Variants in MID1 observed in about 807,000 individuals in gnomAD.
The protein encoded by MID1 is midline 1, also known as E3 ubiquitin-protein ligase Midline-1.
MID1 carries 7 observed loss-of-function variants against 40.4 expected under a neutral mutation model. That is an observed-to-expected ratio of 0.17 (90% CI 0.10 to 0.33). The LOEUF (loss-of-function observed/expected upper bound fraction) is 0.33, where lower values mean the gene tolerates loss of function less well. MID1 is among the 10% of genes least tolerant of loss of function. The pLI is 1.00. For missense variants in MID1, 367 were observed against 558.5 expected (o/e 0.66, Z 3.46); for synonymous variants, 229 against 221.2 (o/e 1.04, Z -0.31).
At chrX:10,568,990 G>A (rs1237409690) in intron 1 of MID1, among the ~76,000 whole-genome samples, 2 of 111,651 alleles carry the variant, frequency 1.8e-5, no homozygotes, top group Non-Finnish European at 3.8e-5. Flanking sequence ...CGGGGGTGGT[G>A]GGGAGAGCGT....
intron 1 of MID1, among the ~76,000 whole-genome samples, chrX:10,639,725 G>A (rs1263481981): frequency 3.6e-5 from 4 of 111,178 alleles, no homozygotes; most frequent in Non-Finnish European, 1.9e-5. Context: ...GATTCACCAT[G>A]GTCGAAATGA....
At chrX:10,763,340 G>A (rs1295355002) in intron 1 of MID1, among the ~76,000 whole-genome samples, 4 of 33,432 alleles carry the variant, frequency 1.2e-4, no homozygotes, top group Non-Finnish European at 1.5e-4. Context: ...AACAGGCCCC[G>A]GTGTGTGATG....
intron 1 of MID1, among the ~76,000 whole-genome samples, chrX:10,821,309 C>T (rs1383794515): frequency 2.7e-5 from 3 of 111,950 alleles, no homozygotes; most frequent in Non-Finnish European, 5.6e-5. Flanking sequence ...TGGAACACCT[C>T]ACAGCTTAGA....
intron 1 of MID1, among the ~76,000 whole-genome samples, chrX:10,669,432 C>T (rs1052869415): frequency 9.0e-6 from 1 of 110,904 alleles, no homozygotes; most frequent in Middle Eastern, 4.2e-3. Context: ...TCCCATGCCC[C>T]AAGGCACCTG....
intron 1 of MID1, among the ~76,000 whole-genome samples, chrX:10,719,704 G>A (rs1156893530): frequency 1.8e-5 from 2 of 111,109 alleles, no homozygotes; most frequent in Non-Finnish European, 3.8e-5. Context: ...TTACTTTAAA[G>A]TTCATATGGA....
At chrX:10,591,950 A>C (rs370451364) in intron 1 of MID1, among the ~76,000 whole-genome samples, 6 of 110,858 alleles carry the variant, frequency 5.4e-5, no homozygotes, top group Middle Eastern at 9.2e-3. Flanking sequence ...ACAAAACAAA[A>C]CACCAGACCT....
chrX:10,761,712 C>A (rs1271792620), intron 1 of MID1, among the ~76,000 whole-genome samples: 2 of 112,082 alleles, frequency 1.8e-5, no homozygotes, highest in Non-Finnish European at 3.8e-5. Flanking sequence ...CCATGCCAAG[C>A]CCAGGTTAGC....
At chrX:10,721,551 T>C (rs1157105623) in intron 1 of MID1, among the ~76,000 whole-genome samples, 1 of 110,683 alleles carries the variant, frequency 9.0e-6, no homozygotes, top group Non-Finnish European at 1.9e-5. Context: ...AACATTCAAC[T>C]ATCAATAAGT....
At chrX:10,525,668 C>T (rs753685899) in intron 2 of MID1, among the ~76,000 whole-genome samples, 5 of 112,310 alleles carry the variant, frequency 4.5e-5, no homozygotes, top group Admixed American at 9.4e-5. Context: ...CCAAAGAAGA[C>T]GCTCCCACAA....
chrX:10,625,989 T>C (rs1602480972), intron 1 of MID1, among the ~76,000 whole-genome samples: 1 of 111,294 alleles, frequency 9.0e-6, no homozygotes, highest in East Asian at 2.8e-4. Flanking sequence ...GTCCTGGAGT[T>C]AGGACTCTGG....
At chrX:10,463,389 A>T (rs1378394377) in intron 7 of MID1, among the ~76,000 whole-genome samples, 1 of 111,945 alleles carries the variant, frequency 8.9e-6, no homozygotes, top group African/African-American at 3.2e-5. Context: ...TAGTGATATA[A>T]GGAGCTACAG....
intron 1 of MID1, among the ~76,000 whole-genome samples, chrX:10,802,420 G>C (rs968701373): frequency 9.0e-5 from 10 of 110,783 alleles, no homozygotes; most frequent in African/African-American, 3.3e-4. Context: ...GCCAACAAAC[G>C]TGAAAAAAAT....
At chrX:10,781,063 A>C (rs2043842377) in intron 1 of MID1, among the ~76,000 whole-genome samples, 1 of 111,878 alleles carries the variant, frequency 8.9e-6, no homozygotes, top group Non-Finnish European at 1.9e-5. Flanking sequence ...CCTGGTTTAC[A>C]GTTTAAGCTG....
At chrX:10,558,522 A>C (rs1463421785) in intron 2 of MID1, among the ~76,000 whole-genome samples, 4 of 113,201 alleles carry the variant, frequency 3.5e-5, no homozygotes, top group Non-Finnish European at 7.5e-5. Context: ...ACAAAACTAC[A>C]AAACACATTA....
At chrX:10,524,099 C>A (rs971858922) in intron 2 of MID1, among the ~76,000 whole-genome samples, 4 of 111,874 alleles carry the variant, frequency 3.6e-5, no homozygotes, top group Non-Finnish European at 7.5e-5. Flanking sequence ...TCCATCAATG[C>A]CAGATCAAAT....
intron 1 of MID1, among the ~76,000 whole-genome samples, chrX:10,787,479 T>G (rs2043894481): frequency 1.0e-5 from 1 of 98,276 alleles, no homozygotes; most frequent in South Asian, 5.7e-4. Context: ...TTCTTTTGTT[T>G]TTTCTTTTTT....
At chrX:10,522,888 G>A (rs745899677) in intron 3 of MID1, among the ~76,000 whole-genome samples, 15 of 112,142 alleles carry the variant, frequency 1.3e-4, no homozygotes, top group Non-Finnish European at 2.6e-4. Flanking sequence ...GAGCTATAAT[G>A]GGAATGGGAA....
At chrX:10,751,655 C>CCAAA (rs1380229492) in intron 1 of MID1, among the ~76,000 whole-genome samples, 2 of 111,590 alleles carry the variant, frequency 1.8e-5, no homozygotes, top group African/African-American at 6.5e-5. Context: ...CACCAATCAA[C>CCAAA]CAAACCACAA....
At chrX:10,566,356 C>G (rs949906020) in intron 2 of MID1, among the ~76,000 whole-genome samples, 11 of 111,473 alleles carry the variant, frequency 9.9e-5, no homozygotes, top group Admixed American at 8.6e-4. Context: ...TAAAATCCCA[C>G]ATTTGCTACA....
Sources: allele counts gnomAD v4.1 joint callset (sites outside exome capture counted in the v4.1 genomes callset), GRCh38; gene constraint gnomAD v4.1.1; transcripts MANE v1.5; gene names NCBI Gene and HGNC (gene_info 2026-07-23, HGNC 2026-07-21).